PRPSAP2: variants seen among roughly 807,000 people sequenced by gnomAD.
The protein encoded by PRPSAP2 is phosphoribosyl pyrophosphate synthase-associated protein 2.
In PRPSAP2, 24 loss-of-function variants were observed where a neutral mutation model predicts 40.6. The ratio of observed to expected loss-of-function variants is 0.59; its 90% CI spans 0.43 to 0.83. The LOEUF is 0.83. Among genes scored for constraint, PRPSAP2 ranks in the 40% least tolerant of loss-of-function variants. PRPSAP2 has a pLI of 0.00. For synonymous variants in PRPSAP2, 149 were observed against 164.7 expected (o/e 0.90, Z 0.73); for missense variants, 292 against 465.6 (o/e 0.63, Z 3.43).
intron 8 of PRPSAP2, among the ~76,000 whole-genome samples, chr17:18,906,053 C>G (rs1226094171): frequency 6.6e-6 from 1 of 152,190 alleles, no homozygotes; most frequent in Admixed American, 6.6e-5. Context: ...GTCTTACACA[C>G]ACATAGATAA....
At chr17:18,902,211 T>C (rs1431315341) in intron 8 of PRPSAP2, among the ~76,000 whole-genome samples, 1 of 152,238 alleles carries the variant, frequency 6.6e-6, no homozygotes, top group African/African-American at 2.4e-5. Flanking sequence ...ACCCACCTGT[T>C]CACAGAGGGA....
At chr17:18,859,272 C>T (rs1363838723) in intron 1 of PRPSAP2, 2 of 152,172 alleles carry the variant, frequency 1.3e-5, no homozygotes, top group Non-Finnish European at 2.9e-5. Context: ...GTTTTCCAAA[C>T]AAGGCATGTT....
intron 8 of PRPSAP2, among the ~76,000 whole-genome samples, chr17:18,898,908 TTTGTTTGTTTGA>T (rs2040089575): frequency 6.6e-6 from 1 of 151,872 alleles, no homozygotes; most frequent in South Asian, 2.1e-4. Flanking sequence ...TGTTTGTTTG[TTTGTTTGTTTGA>T]GATGGAGTTT....
At chr17:18,887,748 A>C (rs2039268079) in intron 7 of PRPSAP2, among the ~76,000 whole-genome samples, 1 of 151,856 alleles carries the variant, frequency 6.6e-6, no homozygotes, top group Admixed American at 6.6e-5. Flanking sequence ...TTCTGCTGTT[A>C]AGCCAGCCAG....
At chr17:18,915,524 G>C (rs1410481268) in intron 9 of PRPSAP2, among the ~76,000 whole-genome samples, 1 of 152,298 alleles carries the variant, frequency 6.6e-6, no homozygotes, top group South Asian at 2.1e-4. Flanking sequence ...GTAAGTTAAA[G>C]AGCATAGCAT....
intron 9 of PRPSAP2, among the ~76,000 whole-genome samples, chr17:18,916,931 A>G (rs896592544): frequency 1.6e-4 from 25 of 152,160 alleles, no homozygotes; most frequent in African/African-American, 5.1e-4. Flanking sequence ...TAATACTATC[A>G]CATTGGGTAT....
Position 18,858,160 on chromosome 17 carries a change from T to C in PRPSAP2, c.-230T>C, listed in dbSNP as rs931777199. ...TCACCGCGGACGCCAATCTTGTGCA[T>C]GGAGTCGCCATTTTGCTCCTAGAGA... On this transcript the variant is annotated 5_prime_UTR_variant, in exon 1 of 12. It removes an upstream start codon present in the reference 5' UTR. Coordinates refer to ENST00000268835, the MANE Select transcript of PRPSAP2 (RefSeq NM_002767.4). 4 of 152,224 alleles carry C rather than the reference T, an allele frequency of 2.6e-5. No individual in the cohort carries two copies. The highest frequency in any genetic ancestry group is 9.7e-5 in the African/African-American group (4 of 41,440). 9.4% of individuals were successfully genotyped at this position (152,224 alleles called of 1,614,324 possible). A position where few individuals can be genotyped will look rare whatever the true frequency, so the allele number is the denominator to read the frequency against.
At chr17:18,888,756 A>C (rs1597617889) in intron 7 of PRPSAP2, among the ~76,000 whole-genome samples, 1 of 17,068 alleles carries the variant, frequency 5.9e-5, no homozygotes, top group Non-Finnish European at 1.6e-4. Context: ...CGGGGGGCTG[A>C]CCCCCCCACC....
At chr17:18,910,190 T>G (rs1307236172) in intron 8 of PRPSAP2, among the ~76,000 whole-genome samples, 3 of 151,752 alleles carry the variant, frequency 2.0e-5, no homozygotes, top group Admixed American at 2.0e-4. Flanking sequence ...GAGGTCGAGG[T>G]GGGTGGATCA....
intron 9 of PRPSAP2, chr17:18,917,672 A>T (rs11870265): frequency 0.37 from 50,363 of 136,060 alleles, 9,158 homozygotes; most frequent in Middle Eastern, 0.44. Flanking sequence ...ACTGACTGCA[A>T]GTGATTCGCC....
intron 7 of PRPSAP2, among the ~76,000 whole-genome samples, chr17:18,886,359 C>CTTTT: frequency 7.0e-6 from 1 of 143,824 alleles, no homozygotes. Context: ...GCCATCTATA[C>CTTTT]TTTTTTTTTT....
At chr17:18,928,712 T>C (rs1158808917) in intron 10 of PRPSAP2, 99 bp from the exon 11 acceptor site, 1 of 1,523,914 alleles carries the variant, frequency 6.6e-7, no homozygotes, top group South Asian at 1.1e-5. Flanking sequence ...GAGCAGATTT[T>C]TCACGGTAAA....
intron 4 of PRPSAP2, among the ~76,000 whole-genome samples, chr17:18,868,723 A>ATTTTTT (rs34924536): frequency 6.9e-6 from 1 of 144,426 alleles, no homozygotes; most frequent in Non-Finnish European, 1.5e-5. Flanking sequence ...TTAAAAAAAC[A>ATTTTTT]TTTTTTTTTT....
At chr17:18,863,564 G>A (rs567719876) in intron 1 of PRPSAP2, among the ~76,000 whole-genome samples, 24 of 150,658 alleles carry the variant, frequency 1.6e-4, no homozygotes, top group African/African-American at 5.1e-4. Context: ...ACGGAGTCTC[G>A]CTCTGTCGCC....
chr17:18,871,653 C>CTT (rs142523345), intron 4 of PRPSAP2, among the ~76,000 whole-genome samples: 1,326 of 129,478 alleles, frequency 0.01, 1 homozygote, highest in East Asian at 0.018. Flanking sequence ...ATATAATTTT[C>CTT]TTTTTTTTTT....
chr17:18,922,644 A>G (rs1018955312), intron 9 of PRPSAP2, among the ~76,000 whole-genome samples: 4 of 143,868 alleles, frequency 2.8e-5, no homozygotes, highest in African/African-American at 7.6e-5. Context: ...ATATTTTGGC[A>G]TATGGCGCAT....
intron 8 of PRPSAP2, among the ~76,000 whole-genome samples, chr17:18,905,666 G>A (rs142144425): frequency 1.3e-4 from 19 of 151,226 alleles, no homozygotes; most frequent in Non-Finnish European, 2.2e-4. Context: ...CGCAATCTCC[G>A]CCTCCCGGGT....
chr17:18,923,429 CTT>C (rs1312410795), intron 9 of PRPSAP2, among the ~76,000 whole-genome samples: 1 of 152,064 alleles, frequency 6.6e-6, no homozygotes, highest in Non-Finnish European at 1.5e-5. Context: ...TCAATTCCCT[CTT>C]TTGATTGTTC....
At chr17:18,906,857 T>G (rs1225234773) in intron 8 of PRPSAP2, among the ~76,000 whole-genome samples, 1 of 152,150 alleles carries the variant, frequency 6.6e-6, no homozygotes, top group East Asian at 1.9e-4. Context: ...AAATTTAAAT[T>G]TCTTGAAATA....
Sources: allele counts gnomAD v4.1 joint callset (sites outside exome capture counted in the v4.1 genomes callset), GRCh38; gene constraint gnomAD v4.1.1; transcripts MANE v1.5; gene names NCBI Gene and HGNC (gene_info 2026-07-23, HGNC 2026-07-21).